LRCH1: variants seen among roughly 807,000 people sequenced by gnomAD.
The protein encoded by LRCH1 is leucine-rich repeat and calponin homology domain-containing protein 1.
In LRCH1, 23 loss-of-function variants were observed where a neutral mutation model predicts 94.9. That is an observed-to-expected ratio of 0.24 (90% CI 0.17 to 0.34). The LOEUF is 0.34. LRCH1 is among the 10% of genes least tolerant of loss of function. The pLI, the probability that LRCH1 is intolerant of heterozygous loss-of-function variation, is 1.00. For missense variants in LRCH1, 790 were observed against 945.9 expected (o/e 0.84, Z 2.16); for synonymous variants, 364 against 354.9 (o/e 1.03, Z -0.29).
intron 2 of LRCH1, among the ~76,000 whole-genome samples, chr13:46,653,473 A>C (rs985855026): frequency 6.6e-6 from 1 of 152,212 alleles, no homozygotes; most frequent in Non-Finnish European, 1.5e-5. Context: ...CTATATATAC[A>C]TATATAATTA....
intron 16 of LRCH1, among the ~76,000 whole-genome samples, chr13:46,718,657 A>G (rs1016709823): frequency 1.3e-5 from 2 of 152,226 alleles, no homozygotes; most frequent in African/African-American, 4.8e-5. Flanking sequence ...GTTCAATTTT[A>G]GGCACCAGAA....
At chr13:46,671,497 C>T (rs1052917206) in intron 3 of LRCH1, among the ~76,000 whole-genome samples, 5 of 152,118 alleles carry the variant, frequency 3.3e-5, no homozygotes, top group Admixed American at 2.0e-4. Flanking sequence ...TTGTGAAGAC[C>T]GTCAGGTGCT....
intron 13 of LRCH1, among the ~76,000 whole-genome samples, chr13:46,706,579 A>T (rs1056679265): frequency 6.6e-6 from 1 of 152,004 alleles, no homozygotes; most frequent in Admixed American, 6.6e-5. Flanking sequence ...TTTGGAAATA[A>T]TTTTTTTAAT....
intron 2 of LRCH1, among the ~76,000 whole-genome samples, chr13:46,651,781 A>G (rs983735851): frequency 6.6e-6 from 1 of 150,600 alleles, no homozygotes; most frequent in African/African-American, 2.4e-5. Flanking sequence ...GCTCACTGCA[A>G]GCTCCGCCTC....
chr13:46,687,932 T>C lies in LRCH1; in HGVS notation c.903T>C (p.Tyr301=), dbSNP rs1465394202. 2 of 1,612,946 alleles carry C rather than the reference T, an allele frequency of 1.2e-6. No homozygotes were observed. Among genetic ancestry groups the C allele is most frequent in the Non-Finnish European group, 1.7e-6 (2 of 1,179,534 alleles). ...AGATTAAGACAGCTGACTCCCTTTA[T>C]CTCCACACCATGGAGAGGCCACATT... ...ACQIKTADSL[Y]LHTMERPHLH... The change falls in exon 6 of 20, where the codon TAT becomes TAC. Residue 301 remains tyrosine, a synonymous_variant. Coordinates refer to ENST00000389797, the MANE Select transcript of LRCH1 (RefSeq NM_001164211.2).
At chr13:46,568,822 C>T (rs2050212479) in intron 1 of LRCH1, among the ~76,000 whole-genome samples, 1 of 152,148 alleles carries the variant, frequency 6.6e-6, no homozygotes, top group African/African-American at 2.4e-5. Context: ...GAACTCTGCA[C>T]TTAAAATGGG....
chr13:46,692,176 A>G (rs554685959), intron 7 of LRCH1, among the ~76,000 whole-genome samples: 2 of 152,318 alleles, frequency 1.3e-5, no homozygotes, highest in Middle Eastern at 3.4e-3. Context: ...AGTACCTGAC[A>G]AGATTTCAGC....
Position 46,729,487 on chromosome 13 carries a change from G to A in LRCH1, c.2007+503G>A, listed in dbSNP as rs147654947. On this transcript the variant is annotated intron_variant, in intron 18 of 19. Transcript: ENST00000389797. ...GGATTGCTTGAGCCCAGGAGTTCAA[G>A]GCTGTAGTGAGCCATGATTGTGCCA... 2.6e-3 allele frequency among the ~76,000 whole-genome samples: 384 copies of A among 149,356 alleles called. 1 individual carries two copies. Among genetic ancestry groups the A allele is most frequent in the African/African-American group, 9.0e-3 (364 of 40,444 alleles).
chr13:46,675,705 G>C (rs989413908), intron 3 of LRCH1, among the ~76,000 whole-genome samples: 1 of 152,118 alleles, frequency 6.6e-6, no homozygotes, highest in Non-Finnish European at 1.5e-5. Context: ...TCACGTGCTC[G>C]CCATGCTGTT....
At chr13:46,739,845 TGAG>T (rs1226455680) in intron 19 of LRCH1, among the ~76,000 whole-genome samples, 2 of 152,188 alleles carry the variant, frequency 1.3e-5, no homozygotes, top group East Asian at 3.9e-4. Context: ...GTTTCCTGGA[TGAG>T]AAGAATGGTC....
In LRCH1 at chr13:46,735,788, C is replaced by CTTTTTTTT. The variant is rs1288570749; in HGVS notation, c.2085+1794_2085+1795insTTTTTTTT. Among the ~76,000 whole-genome samples the CTTTTTTTT allele has an allele frequency of 7.2e-5, 5 of 69,910 alleles. 1 individual carries two copies. Among genetic ancestry groups the CTTTTTTTT allele is most frequent in the African/African-American group, 9.5e-5 (2 of 21,124 alleles). 45.9% of individuals were successfully genotyped at this position (69,910 alleles called of 152,430 possible). A position where few individuals can be genotyped will look rare whatever the true frequency, so the allele number is the denominator to read the frequency against. ...AGGTGATTTTCCTTTTTTTCTTTTT[C>CTTTTTTTT]TTTTCTTTTTTTTTTTTTTTTCGAG... On this transcript the variant is annotated intron_variant, in intron 19 of 19. Coordinates refer to ENST00000389797, the MANE Select transcript of LRCH1 (RefSeq NM_001164211.2).
At chr13:46,553,822 G>C (rs1283975386) in intron 1 of LRCH1, 119 bp downstream of exon 1, 22 of 1,523,022 alleles carry the variant, frequency 1.4e-5, no homozygotes, top group Non-Finnish European at 3.5e-6. Context: ...GGGTCCATCG[G>C]CCCGTTGTCT....
intron 19 of LRCH1, among the ~76,000 whole-genome samples, chr13:46,735,059 C>A (rs1409320143): frequency 6.6e-6 from 1 of 151,854 alleles, no homozygotes; most frequent in Non-Finnish European, 1.5e-5. Context: ...GTAGACTTCT[C>A]ATCTTATTTG....
chr13:46,699,302 T>C (rs777974065), intron 9 of LRCH1, 34 bp from the exon 10 acceptor site: 7 of 1,580,768 alleles, frequency 4.4e-6, no homozygotes, highest in Non-Finnish European at 8.7e-7. Flanking sequence ...GAGTAGCCAA[T>C]GGTTTTCAGG....
chr13:46,745,568 G>A (rs1474765076), downstream of LRCH1, among the ~76,000 whole-genome samples: 1 of 152,096 alleles, frequency 6.6e-6, no homozygotes. Flanking sequence ...GGACTAGAAG[G>A]TAGCATGGTT....
chr13:46,610,911 G>GA (rs1657510540), intron 1 of LRCH1, among the ~76,000 whole-genome samples: 1 of 152,164 alleles, frequency 6.6e-6, no homozygotes, highest in Admixed American at 6.5e-5. Context: ...AATGGCTTAG[G>GA]AAAAATGGTA....
intron 2 of LRCH1, among the ~76,000 whole-genome samples, chr13:46,664,404 ATGTTTAGATG>A (rs578084580): frequency 3.4e-4 from 51 of 152,236 alleles, no homozygotes; most frequent in Non-Finnish European, 1.6e-4. Context: ...TACCCTTTCT[ATGTTTAGATG>A]TGTTTAGATA....
chr13:46,632,446 C>A (rs1376978615), intron 1 of LRCH1, among the ~76,000 whole-genome samples: 1 of 152,048 alleles, frequency 6.6e-6, no homozygotes, highest in Non-Finnish European at 1.5e-5. Flanking sequence ...ATTGGTAACA[C>A]TGGATAATTT....
At chr13:46,702,050 C>G (rs905754742) in intron 11 of LRCH1, among the ~76,000 whole-genome samples, 4 of 152,138 alleles carry the variant, frequency 2.6e-5, no homozygotes, top group African/African-American at 9.7e-5. Flanking sequence ...AAGTCTTTTG[C>G]AATTGATTTG....
Sources: gnomAD v4.1 joint callset for allele counts (sites outside exome capture counted in the v4.1 genomes callset) on GRCh38, gnomAD v4.1.1 for gene constraint, MANE v1.5 for transcripts, NCBI Gene and HGNC (gene_info 2026-07-23, HGNC 2026-07-21) for gene names.